Variants in RAVER2 observed in about 807,000 individuals in gnomAD.
RAVER2 encodes the protein ribonucleoprotein PTB-binding 2.
In RAVER2, 46 loss-of-function variants were observed where a neutral mutation model predicts 78.1. The observed-to-expected ratio is 0.59, with a 90% CI of 0.46 to 0.75. RAVER2 has a LOEUF of 0.75. RAVER2 is among the 30% of genes least tolerant of loss of function. The probability of loss-of-function intolerance (pLI) is 0.00; values close to 1 mark genes in which losing one functional copy is unlikely to be tolerated. For synonymous variants in RAVER2, 311 were observed against 313.3 expected (o/e 0.99, Z 0.08); for missense variants, 793 against 837.5 (o/e 0.95, Z 0.66).
At chr1:64,816,143 C>T (rs954760760) in intron 11 of RAVER2, 4 of 151,774 alleles carry the variant, frequency 2.6e-5, no homozygotes, top group African/African-American at 9.7e-5. Flanking sequence ...ATTTTTTGAA[C>T]TTTTATTTCT....
intron 8 of RAVER2, 77 bp from the exon 9 acceptor site, chr1:64,807,129 A>G: frequency 6.8e-7 from 1 of 1,478,102 alleles, no homozygotes; most frequent in African/African-American, 1.4e-5. Flanking sequence ...TTTGCTCATA[A>G]CTTAACAAAA....
At chr1:64,767,877 C>G (rs561975030) in intron 1 of RAVER2, among the ~76,000 whole-genome samples, 51 of 152,060 alleles carry the variant, frequency 3.4e-4, no homozygotes, top group Non-Finnish European at 5.4e-4. Context: ...AGGAAATCTA[C>G]TCTTTTGGGC....
intron 5 of RAVER2, among the ~76,000 whole-genome samples, chr1:64,794,036 T>G (rs1406754793): frequency 2.0e-5 from 3 of 152,226 alleles, no homozygotes; most frequent in African/African-American, 7.2e-5. Flanking sequence ...CTTTTATTTC[T>G]TATGCTTTTA....
In RAVER2 at chr1:64,807,336, G is replaced by T. The variant is rs752822626; in HGVS notation, c.1542G>T (p.Thr514=). ...ATACTCAGGAGAAACAGCCAGCCAC[G>T]GTGGGAATGGCAGAAGGAAATTTCT... Residue 514 remains threonine, a synonymous_variant, in exon 9 of 12, where the codon ACG becomes ACT. Coordinates refer to ENST00000294428, the Ensembl canonical transcript of RAVER2. 4.3e-6 allele frequency: 7 copies of T among 1,614,084 alleles called. No homozygotes were observed. In the Admixed American group the frequency reaches 6.7e-5, roughly 15 times the overall value.
At chr1:64,768,071 C>T (rs866598844) in intron 1 of RAVER2, among the ~76,000 whole-genome samples, 2 of 152,044 alleles carry the variant, frequency 1.3e-5, no homozygotes, top group Non-Finnish European at 1.5e-5. Flanking sequence ...CTCAGGTTTA[C>T]AATCTATTTT....
At chr1:64,825,215 A>T (rs1175451288) in intron 11 of RAVER2, among the ~76,000 whole-genome samples, 2 of 152,158 alleles carry the variant, frequency 1.3e-5, no homozygotes, top group African/African-American at 4.8e-5. Context: ...AAAATGTTTA[A>T]TGCAGAAATA....
intron 11 of RAVER2, among the ~76,000 whole-genome samples, chr1:64,829,250 T>C (rs748145272): frequency 2.7e-4 from 41 of 152,228 alleles, no homozygotes; most frequent in Non-Finnish European, 5.1e-4. Context: ...GCAAGAAGAA[T>C]TGGGGAAGGT....
chr1:64,821,530 A>T (rs1193338440), intron 11 of RAVER2, among the ~76,000 whole-genome samples: 1 of 152,230 alleles, frequency 6.6e-6, no homozygotes. Flanking sequence ...TAGAAGCAGT[A>T]GAAATATGTA....
intron 5 of RAVER2, among the ~76,000 whole-genome samples, chr1:64,798,987 G>A (rs1199149319): frequency 1.3e-5 from 2 of 152,130 alleles, no homozygotes; most frequent in East Asian, 1.9e-4. Context: ...ATAAATGTTT[G>A]TTAACTTAGT....
Position 64,804,866 on chromosome 1 carries a change from A to G in RAVER2, c.1296+28A>G, listed in dbSNP as rs12134044. ...AAGTATGGTATCATTTTTTCTTTTAAAATCAGTTCATTTCTTTTCTAGAAT... is the reference window on the plus strand; with the variant it reads ...AAGTATGGTATCATTTTTTCTTTTAGAATCAGTTCATTTCTTTTCTAGAAT... On this transcript the variant is annotated intron_variant, in intron 7 of 11. Transcript: ENST00000294428. The G allele has an allele frequency of 0.15, 221,824 of 1,516,938 alleles. 17,826 individuals carry two copies. Among genetic ancestry groups the G allele is most frequent in the Admixed American group, 0.22 (12,307 of 56,150 alleles). 94.0% of individuals were successfully genotyped at this position (1,516,938 alleles called of 1,614,324 possible). A position where few individuals can be genotyped will look rare whatever the true frequency, so the allele number is the denominator to read the frequency against.
chr1:64,785,367 CTTTTT>C (rs67544814), intron 4 of RAVER2, among the ~76,000 whole-genome samples: 2 of 129,660 alleles, frequency 1.5e-5, no homozygotes, highest in African/African-American at 5.6e-5. Context: ...CTGTCCCTAA[CTTTTT>C]TTTTTTTTTT....
chr1:64,812,251 A>G (rs754327709), intron 9 of RAVER2, among the ~76,000 whole-genome samples: 8 of 151,102 alleles, frequency 5.3e-5, no homozygotes. Context: ...AATCCCAGCT[A>G]CTCAGGAGGC....
intron 2 of RAVER2, 43 bp downstream of exon 2, chr1:64,768,765 C>G (rs374484877): frequency 2.9e-4 from 352 of 1,226,448 alleles, no homozygotes; most frequent in Admixed American, 7.3e-4. Context: ...TTTGATTCTC[C>G]CTGTACTCGT....
At chr1:64,777,708 A>G (rs775896406) in exon 3 of RAVER2, 1 of 1,614,080 alleles carries the variant, frequency 6.2e-7, no homozygotes, top group South Asian at 1.1e-5. Flanking sequence ...AAGACTTAAT[A>G]GTCCAGCTTC....
exon 4 of RAVER2, chr1:64,781,424 T>C: frequency 6.2e-7 from 1 of 1,612,816 alleles, no homozygotes; most frequent in Admixed American, 1.7e-5. Flanking sequence ...TTGCAGTGGT[T>C]GAATATAGCA....
intron 11 of RAVER2, among the ~76,000 whole-genome samples, chr1:64,817,168 G>T (rs1219383474): frequency 6.6e-6 from 1 of 152,094 alleles, no homozygotes; most frequent in African/African-American, 2.4e-5. Flanking sequence ...CATCATCACT[G>T]GCCATCAGAG....
intron 11 of RAVER2, among the ~76,000 whole-genome samples, chr1:64,823,281 T>G (rs1418703127): frequency 1.3e-5 from 2 of 152,234 alleles, no homozygotes; most frequent in Admixed American, 1.3e-4. Flanking sequence ...GATCTAGGTC[T>G]AATTAGAAAT....
intron 1 of RAVER2, among the ~76,000 whole-genome samples, chr1:64,756,437 A>C (rs1651858379): frequency 6.6e-6 from 1 of 152,100 alleles, no homozygotes; most frequent in Non-Finnish European, 1.5e-5. Flanking sequence ...CTGCATTCCT[A>C]CTACCATTAC....
At chr1:64,786,952 T>G (rs1192871274) in intron 4 of RAVER2, among the ~76,000 whole-genome samples, 3 of 152,176 alleles carry the variant, frequency 2.0e-5, no homozygotes, top group Non-Finnish European at 4.4e-5. Context: ...TAGAATTGGT[T>G]TTTTGAGGAT....
Sources: gnomAD v4.1 joint callset for allele counts (sites outside exome capture counted in the v4.1 genomes callset) on GRCh38, gnomAD v4.1.1 for gene constraint, MANE v1.5 for transcripts, NCBI Gene and HGNC (gene_info 2026-07-23, HGNC 2026-07-21) for gene names.